Variants in PTPN13 observed in about 807,000 individuals in gnomAD.
PTPN13 encodes the protein protein tyrosine phosphatase non-receptor type 13.
Under a neutral mutation model 284.0 loss-of-function variants are expected in PTPN13, and 191 were observed. That is an observed-to-expected ratio of 0.67 (90% confidence interval 0.60 to 0.76). The LOEUF is 0.76. Among genes scored for constraint, PTPN13 ranks in the 30% least tolerant of loss-of-function variants. PTPN13 has a pLI of 0.00. For synonymous variants in PTPN13, 986 were observed against 1,022.3 expected (o/e 0.96, Z 0.68); for missense variants, 2,797 against 2,939.9 (o/e 0.95, Z 1.12).
At chr4:86,699,303 G>A (rs1003021930) in intron 6 of PTPN13, among the ~76,000 whole-genome samples, 3 of 151,892 alleles carry the variant, frequency 2.0e-5, no homozygotes, top group African/African-American at 7.3e-5. Context: ...GGAGAATGGC[G>A]TGAACCTGGG....
chr4:86,612,033 T>C (rs1254371981), intron 1 of PTPN13, among the ~76,000 whole-genome samples: 1 of 152,150 alleles, frequency 6.6e-6, no homozygotes, highest in Admixed American at 6.5e-5. Context: ...CAGAAGAATC[T>C]TACGCAGTAG....
Position 86,723,303 on chromosome 4 carries a change from C to T in PTPN13, c.1608+869C>T, listed in dbSNP as rs1733878048. ...TGGCCTGGTCACAGCAGGAGGTGAG[C>T]AAGGAGCTAGCATTGCCACCTGAGC... On this transcript the variant is annotated intron_variant, in intron 10 of 47. Transcript: ENST00000411767. Among the ~76,000 whole-genome samples the T allele has an allele frequency of 2.6e-5, 4 of 152,254 alleles. No individual in the cohort carries two copies. The South Asian group carries it at 8.3e-4, about 32-fold the overall frequency.
chr4:86,814,766 A>G lies in PTPN13; in HGVS notation c.*215A>G, dbSNP rs984301889. On this transcript the variant is annotated 3_prime_UTR_variant, in exon 48 of 48. Coordinates refer to ENST00000411767, the MANE Select transcript of PTPN13 (RefSeq NM_080683.3). Reference sequence around the variant, plus strand: ...TATGATAATTATTTACAAAATTTTAACACTAACCAAACAATGCAGATCTTA... The same window carrying G: ...TATGATAATTATTTACAAAATTTTAGCACTAACCAAACAATGCAGATCTTA... 2 of 471,224 alleles carry G rather than the reference A, an allele frequency of 4.2e-6. No individual in the cohort carries two copies. The highest frequency in any genetic ancestry group is 3.8e-6 in the Non-Finnish European group (1 of 261,516). 29.2% of individuals were successfully genotyped at this position (471,224 alleles called of 1,614,324 possible).
chr4:86,761,139 A>ATATATATATATAT (rs1738622051), intron 23 of PTPN13, among the ~76,000 whole-genome samples: 1 of 120,692 alleles, frequency 8.3e-6, no homozygotes, highest in Non-Finnish European at 1.7e-5. Context: ...TGTGTGTGTA[A>ATATATATATATAT]ATATATATAT....
chr4:86,779,442 G>A (rs1012893381), intron 35 of PTPN13, among the ~76,000 whole-genome samples: 1 of 151,774 alleles, frequency 6.6e-6, no homozygotes, highest in Non-Finnish European at 1.5e-5. Context: ...AATGATGTAT[G>A]TGGGCCTGTG....
intron 17 of PTPN13, among the ~76,000 whole-genome samples, chr4:86,748,337 C>T (rs1273873262): frequency 6.6e-6 from 1 of 152,046 alleles, no homozygotes; most frequent in African/African-American, 2.4e-5. Flanking sequence ...GGAGTTCTTT[C>T]CAGGTAAAAG....
In PTPN13 at chr4:86,657,067, G is replaced by A. The variant is rs540699854; in HGVS notation, c.116-15298G>A. On this transcript the variant is annotated intron_variant, in intron 2 of 47. Coordinates refer to ENST00000411767, the MANE Select transcript of PTPN13 (RefSeq NM_080683.3). The stretch of plus-strand genomic sequence containing the variant: ...TCTTGGTGTGCCGTTTGCTAAGACC[G>A]TTGGAAAAGTGCAGTATTAGGGTGG... 1.1e-3 allele frequency among the ~76,000 whole-genome samples: 166 copies of A among 152,302 alleles called. 4 individuals are homozygous for A. The highest frequency in any genetic ancestry group is 2.9e-4 in the Non-Finnish European group (20 of 68,020).
chr4:86,657,054 G>C (rs900608512), intron 2 of PTPN13, among the ~76,000 whole-genome samples: 1 of 152,182 alleles, frequency 6.6e-6, no homozygotes, highest in African/African-American at 2.4e-5. Flanking sequence ...TTGGTGTGCC[G>C]TTTGCTAAGA....
At chr4:86,635,406 G>T in intron 2 of PTPN13, 35 bp downstream of exon 2, 3 of 1,558,480 alleles carry the variant, frequency 1.9e-6, no homozygotes, top group Non-Finnish European at 2.6e-6. Flanking sequence ...TGTTGTTGTT[G>T]TTTCAGTATT....
intron 17 of PTPN13, among the ~76,000 whole-genome samples, chr4:86,746,027 T>A (rs1278227154): frequency 2.6e-5 from 4 of 152,134 alleles, no homozygotes; most frequent in Admixed American, 2.6e-4. Flanking sequence ...AGACACACTG[T>A]ATAGTCTTCT....
intron 20 of PTPN13, among the ~76,000 whole-genome samples, chr4:86,753,858 G>A (rs540696605): frequency 6.6e-6 from 1 of 152,038 alleles, no homozygotes; most frequent in African/African-American, 2.4e-5. Flanking sequence ...ATAATTAAAA[G>A]CCTGATGAGA....
At chr4:86,654,825 A>G (rs1293948550) in intron 2 of PTPN13, among the ~76,000 whole-genome samples, 2 of 152,084 alleles carry the variant, frequency 1.3e-5, no homozygotes, top group Non-Finnish European at 2.9e-5. Flanking sequence ...TGATATGTCT[A>G]ATGTTGACAG....
chr4:86,707,714 AT>A (rs1731925396), intron 7 of PTPN13, among the ~76,000 whole-genome samples: 1 of 152,230 alleles, frequency 6.6e-6, no homozygotes, highest in South Asian at 2.1e-4. Context: ...CAAGAAAAAA[AT>A]GATTGAGTTA....
intron 30 of PTPN13, 114 bp downstream of exon 30, chr4:86,770,313 C>T: frequency 1.1e-6 from 1 of 933,294 alleles, no homozygotes; most frequent in Non-Finnish European, 1.7e-6. Flanking sequence ...TACCTAGCTA[C>T]TTGTTTTAGG....
At position 86,814,515 on chromosome 4, in the gene PTPN13, A is replaced by C. The variant is rs1937420241; in HGVS notation, c.7422A>C (p.Glu2474Asp). 1.2e-6 allele frequency: 2 copies of C among 1,612,928 alleles called. No homozygotes were observed. The highest frequency in any genetic ancestry group is 1.3e-5 in the African/African-American group (1 of 74,756). Residue 2474 changes from glutamate to aspartate, a missense_variant, in exon 48 of 48, where the codon GAA (glutamate) becomes GAC (aspartate). By Grantham distance (45) the Glu-to-Asp change is conservative (BLOSUM62 2). Coordinates refer to ENST00000411767, the MANE Select transcript of PTPN13 (RefSeq NM_080683.3). The stretch of plus-strand genomic sequence containing the variant: ...ATGTCCTGACACGTCTTCAAGCAGA[A>C]GAAGAGCAAAAACAGCAGCCTCAGC... The part of the protein sequence containing the change: ...ILYVLTRLQA[E>D]EEQKQQPQLL...
chr4:86,734,196 C>A, intron 12 of PTPN13, 107 bp from the exon 13 acceptor site: 3 of 884,204 alleles, frequency 3.4e-6, no homozygotes, highest in Non-Finnish European at 5.0e-6. Context: ...TATTTATATT[C>A]TCATATGATA....
chr4:86,725,943 T>C (rs1325402135), intron 10 of PTPN13, among the ~76,000 whole-genome samples: 1 of 149,926 alleles, frequency 6.7e-6, no homozygotes, highest in Non-Finnish European at 1.5e-5. Flanking sequence ...AGGATTTTTA[T>C]GGCTTTAGGT....
intron 10 of PTPN13, among the ~76,000 whole-genome samples, chr4:86,730,481 C>T (rs1449505302): frequency 2.7e-5 from 4 of 149,740 alleles, no homozygotes; most frequent in East Asian, 1.9e-4. Context: ...GGTTCCCAGC[C>T]GTTTTGTTTA....
chr4:86,711,404 TTGATA>T (rs1732401399), intron 7 of PTPN13, among the ~76,000 whole-genome samples: 1 of 152,134 alleles, frequency 6.6e-6, no homozygotes, highest in African/African-American at 2.4e-5. Flanking sequence ...AGAGAATATA[TTGATA>T]TAAGTTTTAT....
Sources: allele counts gnomAD v4.1 joint callset (sites outside exome capture counted in the v4.1 genomes callset), GRCh38; gene constraint gnomAD v4.1.1; transcripts MANE v1.5; gene names NCBI Gene and HGNC (gene_info 2026-07-23, HGNC 2026-07-21).